Variants in FANCL observed in about 807,000 individuals in gnomAD.
FANCL encodes the protein E3 ubiquitin-protein ligase FANCL.
Under a neutral mutation model 59.4 loss-of-function variants are expected in FANCL, and 69 were observed. The observed-to-expected ratio is 1.16, with a 90% CI of 0.96 to 1.42. FANCL has a LOEUF of 1.42. Ranked by LOEUF, FANCL falls within the 40% of genes most tolerant of loss-of-function variation. The pLI is 0.00. For missense variants in FANCL, 519 were observed against 447.2 expected, an observed-to-expected ratio of 1.16 and a Z score of -1.45; for synonymous variants, 180 against 147.1, an observed-to-expected ratio of 1.22 and a Z score of -1.62.
Position 58,159,523 on chromosome 2 carries a change from T to A in FANCL, c.*242A>T. ...GTCAAGATCTCCATCTTGGTATAAA[T>A]ACACTTCCACAGTCAGCACGGGGAT... On this transcript the variant is annotated 3_prime_UTR_variant, in exon 14 of 14. Transcript: ENST00000233741. 1.2e-6 allele frequency: 2 copies of A among 1,613,806 alleles called. No individual in the cohort carries two copies. The highest frequency in any genetic ancestry group is 1.7e-6 in the Non-Finnish European group (2 of 1,179,806).
At chr2:58,224,999 T>C (rs1452934700) in intron 4 of FANCL, among the ~76,000 whole-genome samples, 2 of 151,882 alleles carry the variant, frequency 1.3e-5, no homozygotes, top group Non-Finnish European at 2.9e-5. Flanking sequence ...AAAGAAATCA[T>C]GATTCTTTGG....
chr2:58,169,716 G>A (rs999824557), intron 7 of FANCL, among the ~76,000 whole-genome samples: 1 of 152,000 alleles, frequency 6.6e-6, no homozygotes. Flanking sequence ...TAAATGACCT[G>A]ATGAAGCTGA....
chr2:58,192,205 T>A (rs1365185243), intron 7 of FANCL, among the ~76,000 whole-genome samples: 1 of 151,950 alleles, frequency 6.6e-6, no homozygotes, highest in Non-Finnish European at 1.5e-5. Flanking sequence ...TCCACAAGTA[T>A]CTCATGTGCT....
chr2:58,235,773 A>T (rs1693957684), intron 1 of FANCL, among the ~76,000 whole-genome samples: 1 of 152,122 alleles, frequency 6.6e-6, no homozygotes, highest in Admixed American at 6.6e-5. Context: ...AAGGTAAAGG[A>T]AAACATGAGC....
chr2:58,211,980 C>A (rs148979426), intron 5 of FANCL, among the ~76,000 whole-genome samples: 1 of 152,222 alleles, frequency 6.6e-6, no homozygotes, highest in East Asian at 1.9e-4. Context: ...GTTCCAACCT[C>A]TGCCTGCTAC....
chr2:58,203,839 T>A (rs1690303614), intron 6 of FANCL, among the ~76,000 whole-genome samples: 1 of 152,034 alleles, frequency 6.6e-6, no homozygotes. Flanking sequence ...ATGTTACATG[T>A]AGGATGTTAC....
chr2:58,197,869 T>C (rs1689583110), intron 7 of FANCL, among the ~76,000 whole-genome samples: 1 of 152,222 alleles, frequency 6.6e-6, no homozygotes, highest in Non-Finnish European at 1.5e-5. Context: ...GTAATCAATG[T>C]CAAAAGTTTT....
intron 7 of FANCL, among the ~76,000 whole-genome samples, chr2:58,187,643 G>C (rs1688537254): frequency 6.6e-6 from 1 of 151,882 alleles, no homozygotes; most frequent in Admixed American, 6.6e-5. Flanking sequence ...AAAAAGACAA[G>C]CAACTGACAT....
chr2:58,207,466 CAA>C (rs1011341816), intron 5 of FANCL, among the ~76,000 whole-genome samples: 1 of 152,134 alleles, frequency 6.6e-6, no homozygotes, highest in African/African-American at 2.4e-5. Flanking sequence ...GGCTGAGAAA[CAA>C]AAGAAACCTG....
At chr2:58,226,132 A>C (rs189121096) in intron 4 of FANCL, among the ~76,000 whole-genome samples, 2 of 152,112 alleles carry the variant, frequency 1.3e-5, no homozygotes, top group Non-Finnish European at 2.9e-5. Context: ...AGAGGAAATA[A>C]GATTGGCAAA....
intron 3 of FANCL, 127 bp from the exon 4 acceptor site, chr2:58,226,911 A>C: frequency 1.3e-6 from 1 of 762,358 alleles, no homozygotes; most frequent in Non-Finnish European, 2.2e-6. Context: ...TGAAAACTAT[A>C]AGAAATGAAG....
rs1192168900 is a variant in FANCL, at chr2:58,204,148, A to G, written c.453T>C (p.Thr151=). ...CACATACCTTTGCCTTCAACTTGAG[A>G]GTGATTAAATGCTCTCTACCAGAAG... ...EDASGREHLI[T]LKLKAKYPAE... The change falls in exon 6 of 14, where the codon ACT becomes ACC. Residue 151 remains threonine (T), a synonymous_variant. Coordinates refer to ENST00000233741, the MANE Select transcript of FANCL (RefSeq NM_018062.4). 1 of 1,612,918 alleles carries G rather than the reference A, an allele frequency of 6.2e-7. No homozygotes were observed. The highest frequency in any genetic ancestry group is 1.1e-5 in the South Asian group (1 of 91,052).
chr2:58,218,096 T>C (rs1050850394), intron 5 of FANCL, among the ~76,000 whole-genome samples: 2 of 151,712 alleles, frequency 1.3e-5, no homozygotes, highest in Non-Finnish European at 2.9e-5. Flanking sequence ...TCAAAAGAAA[T>C]CACAATGAAA....
At chr2:58,181,334 C>G (rs1256082391) in intron 7 of FANCL, among the ~76,000 whole-genome samples, 1 of 151,934 alleles carries the variant, frequency 6.6e-6, no homozygotes, top group South Asian at 2.1e-4. Context: ...TTTATAATAT[C>G]TGGAATAGAC....
chr2:58,197,810 GT>G (rs1465309558), intron 7 of FANCL, among the ~76,000 whole-genome samples: 4 of 152,124 alleles, frequency 2.6e-5, no homozygotes, highest in African/African-American at 7.2e-5. Flanking sequence ...CAAGGTTTAT[GT>G]TTTCAGTCAT....
chr2:58,192,701 G>T (rs868494423), intron 7 of FANCL, among the ~76,000 whole-genome samples: 1 of 151,826 alleles, frequency 6.6e-6, no homozygotes, highest in Non-Finnish European at 1.5e-5. Flanking sequence ...ATTATCTACG[G>T]TGGAATTTAG....
At position 58,241,305 on chromosome 2, in the gene FANCL, C is replaced by G; in HGVS notation, c.9G>C (p.Val3=). ...ACTGGCGCAACAGGCTCGCTTCCGT[C>G]ACCGCCATGGCTCGAAGTCCGGAGA... The part of the protein sequence containing the change: MA[V]TEASLLRQCP... Residue 3 remains valine, a synonymous_variant, in exon 1 of 14, where the codon GTG becomes GTC. Transcript: ENST00000233741. 1.2e-6 allele frequency: 2 copies of G among 1,614,190 alleles called. No homozygotes were observed. Among genetic ancestry groups the G allele is most frequent in the Non-Finnish European group, 8.5e-7 (1 of 1,180,032 alleles).
intron 6 of FANCL, among the ~76,000 whole-genome samples, chr2:58,199,204 G>T (rs1021614439): frequency 9.9e-5 from 15 of 152,166 alleles, no homozygotes; most frequent in African/African-American, 3.6e-4. Context: ...AGCAATCGGT[G>T]TTGAGTAAAA....
chr2:58,214,154 A>G, intron 5 of FANCL, among the ~76,000 whole-genome samples: 1 of 152,242 alleles, frequency 6.6e-6, no homozygotes, highest in Non-Finnish European at 1.5e-5. Flanking sequence ...CATAAACAAC[A>G]GTCCCAGTAT....
Sources: gnomAD v4.1 joint callset for allele counts (sites outside exome capture counted in the v4.1 genomes callset) on GRCh38, gnomAD v4.1.1 for gene constraint, MANE v1.5 for transcripts, NCBI Gene and HGNC (gene_info 2026-07-23, HGNC 2026-07-21) for gene names.